The following MCF2 variants were observed in gnomAD, a reference collection of about 807,000 sequenced individuals.
MCF2 encodes proto-oncogene DBL.
A neutral mutation model predicts 82.5 loss-of-function variants in MCF2; 44 were observed. The observed-to-expected ratio is 0.53, with a 90% confidence interval of 0.42 to 0.69. The LOEUF (loss-of-function observed/expected upper bound fraction) is 0.69, where lower values mean the gene tolerates loss of function less well. MCF2 is among the 30% of genes least tolerant of loss of function. The probability of loss-of-function intolerance (pLI) is 0.00; values close to 1 mark genes in which losing one functional copy is unlikely to be tolerated. For synonymous variants in MCF2, 217 were observed against 224.9 expected, an observed-to-expected ratio of 0.96 and a Z score of 0.32; for missense variants, 623 against 663.1, an observed-to-expected ratio of 0.94 and a Z score of 0.66.
At chrX:139,601,913 A>C (rs1266360352) in intron 16 of MCF2, among the ~76,000 whole-genome samples, 1 of 111,514 alleles carries the variant, frequency 9.0e-6, no homozygotes, top group Non-Finnish European at 1.9e-5. Context: ...TAGAAAACTG[A>C]GTAAAAAAAC....
intron 1 of MCF2, among the ~76,000 whole-genome samples, chrX:139,667,853 C>T (rs1048818365): frequency 1.8e-5 from 2 of 112,255 alleles, no homozygotes; most frequent in Admixed American, 9.4e-5. Flanking sequence ...CACTCCCCAG[C>T]TCTAGCAGTG....
At chrX:139,616,548 T>C in intron 8 of MCF2, 75 bp from the exon 12 acceptor site, 1 of 595,543 alleles carries the variant, frequency 1.7e-6, no homozygotes, top group Non-Finnish European at 2.5e-6. Flanking sequence ...AATAAGTGAG[T>C]GGTTCTCAGC....
intron 1 of MCF2, among the ~76,000 whole-genome samples, chrX:139,698,234 T>C (rs374274143): frequency 1.2e-4 from 13 of 112,993 alleles, no homozygotes; most frequent in African/African-American, 3.8e-4. Flanking sequence ...CCAATGCAAT[T>C]ATACTTGTAA....
intron 16 of MCF2, 50 bp downstream of exon 20, chrX:139,602,356 C>T (rs770379886): frequency 9.9e-6 from 9 of 912,434 alleles, no homozygotes; most frequent in Admixed American, 7.1e-5. Context: ...TAAGAAATAC[C>T]GCAATATCTT....
At chrX:139,679,343 T>C (rs1934947303) in intron 1 of MCF2, among the ~76,000 whole-genome samples, 1 of 112,136 alleles carries the variant, frequency 8.9e-6, no homozygotes, top group Admixed American at 9.5e-5. Flanking sequence ...AAGGAAGATG[T>C]GAAATGTAAG....
upstream of MCF2, chrX:139,642,935 G>T: frequency 2.0e-6 from 1 of 506,256 alleles, no homozygotes; most frequent in African/African-American, 2.6e-5. Context: ...TGATTTTTAA[G>T]GTGGAATGCT....
At chrX:139,627,526 G>T (rs764323272) in intron 4 of MCF2, among the ~76,000 whole-genome samples, 1 of 111,757 alleles carries the variant, frequency 8.9e-6, no homozygotes, top group African/African-American at 3.2e-5. Context: ...AGTGATTTAA[G>T]ATTTCTTTCA....
intron 1 of MCF2, among the ~76,000 whole-genome samples, chrX:139,636,295 A>C (rs1172918059): frequency 1.8e-5 from 2 of 111,251 alleles, no homozygotes; most frequent in African/African-American, 6.5e-5. Context: ...GTAAATTCCC[A>C]TTATATTATT....
chrX:139,618,645 T>C (rs904358762), intron 7 of MCF2, among the ~76,000 whole-genome samples: 22 of 111,564 alleles, frequency 2.0e-4, no homozygotes, highest in African/African-American at 6.5e-4. Context: ...GAACTAGTTA[T>C]CATAACTGTT....
chrX:139,645,288 T>G (rs1280540381), upstream of MCF2, among the ~76,000 whole-genome samples: 3 of 111,144 alleles, frequency 2.7e-5, no homozygotes, highest in Non-Finnish European at 5.7e-5. Context: ...TTTAAAAAGC[T>G]TCCATAAAAA....
At chrX:139,696,280 CCCTT>C (rs201087428) in intron 1 of MCF2, among the ~76,000 whole-genome samples, 7,857 of 103,057 alleles carry the variant, frequency 0.076, 372 homozygotes, top group South Asian at 0.17. Context: ...CTCCCTCCCT[CCCTT>C]CCTTCCTTCC....
At chrX:139,676,416 G>A (rs1049698113) in intron 1 of MCF2, among the ~76,000 whole-genome samples, 1 of 111,960 alleles carries the variant, frequency 8.9e-6, no homozygotes, top group Non-Finnish European at 1.9e-5. Context: ...GATCACACTG[G>A]GAGCTGCAGA....
At chrX:139,596,761 T>C in exon 19 of MCF2, 1 of 1,200,271 alleles carries the variant, frequency 8.3e-7, no homozygotes. Flanking sequence ...CCCAGTTCAT[T>C]TAAGTTTCCC....
chrX:139,699,050 G>C (rs1216067826), intron 1 of MCF2, among the ~76,000 whole-genome samples: 2 of 111,605 alleles, frequency 1.8e-5, no homozygotes, highest in Admixed American at 9.5e-5. Flanking sequence ...TGTGCCATTT[G>C]TCCAAAGCAT....
At chrX:139,615,180 A>C in intron 9 of MCF2, 128 bp from the exon 13 acceptor site, 1 of 529,459 alleles carries the variant, frequency 1.9e-6, no homozygotes, top group African/African-American at 2.4e-5. Flanking sequence ...CAAGACATTT[A>C]GAAAAATAAC....
chrX:139,628,877 C>T (rs895656082), intron 4 of MCF2, among the ~76,000 whole-genome samples: 14 of 111,255 alleles, frequency 1.3e-4, no homozygotes, highest in African/African-American at 3.6e-4. Context: ...TAGGAGAGCA[C>T]AAACAATTTG....
At chrX:139,706,455 G>T (rs1935591028) in intron 1 of MCF2, among the ~76,000 whole-genome samples, 2 of 111,915 alleles carry the variant, frequency 1.8e-5, no homozygotes, top group South Asian at 7.5e-4. Context: ...GCAAGTTAGT[G>T]CAGGAACAGA....
chrX:139,667,807 C>G (rs906545834), intron 1 of MCF2, among the ~76,000 whole-genome samples: 4 of 111,616 alleles, frequency 3.6e-5, no homozygotes, highest in African/African-American at 1.3e-4. Flanking sequence ...GGGTGGTGAG[C>G]ACATGTAACT....
At chrX:139,681,740 T>G in intron 1 of MCF2, among the ~76,000 whole-genome samples, 1 of 112,011 alleles carries the variant, frequency 8.9e-6, no homozygotes, top group South Asian at 3.7e-4. Context: ...ATTTATTTAC[T>G]TGTTCACCAT....
Sources: gnomAD v4.1 joint callset for allele counts (sites outside exome capture counted in the v4.1 genomes callset) on GRCh38, gnomAD v4.1.1 for gene constraint, MANE v1.5 for transcripts, NCBI Gene and HGNC (gene_info 2026-07-23, HGNC 2026-07-21) for gene names.